The following CPNE5 variants were observed in gnomAD, a reference collection of about 807,000 sequenced individuals.
CPNE5 encodes the protein copine 5, also known as copine-5.
In CPNE5, 42 loss-of-function variants were observed where a neutral mutation model predicts 81.1. The observed-to-expected ratio is 0.52, with a 90% CI of 0.40 to 0.67. The LOEUF is 0.67. Among genes scored for constraint, CPNE5 ranks in the 30% least tolerant of loss-of-function variants. The pLI is 0.00. For missense variants in CPNE5, 612 were observed against 815.5 expected, an observed-to-expected ratio of 0.75 and a Z score of 3.04; for synonymous variants, 313 against 321.5, an observed-to-expected ratio of 0.97 and a Z score of 0.28.
chr6:36,768,225 C>CTTTTTTTCTTTTTTTTTCTTTTTTTTTT (rs527797208), intron 10 of CPNE5, among the ~76,000 whole-genome samples: 1 of 60,496 alleles, frequency 1.7e-5, no homozygotes, highest in Admixed American at 2.3e-4. Context: ...ATTCACAGTT[C>CTTTTTTTCTTTTTTTTTCTTTTTTTTTT]TTTTTTTTTT....
intron 10 of CPNE5, among the ~76,000 whole-genome samples, chr6:36,770,615 C>G (rs1766962188): frequency 6.6e-6 from 1 of 152,092 alleles, no homozygotes; most frequent in Admixed American, 6.6e-5. Context: ...CTCTGACCAT[C>G]TCCTCTTCTT....
chr6:36,770,722 T>C (rs1338905488), intron 10 of CPNE5, among the ~76,000 whole-genome samples: 1 of 152,174 alleles, frequency 6.6e-6, no homozygotes, highest in Non-Finnish European at 1.5e-5. Context: ...TGTCCCCTCC[T>C]GCTTTAGCGG....
At chr6:36,759,342 G>T (rs978574895) in intron 12 of CPNE5, among the ~76,000 whole-genome samples, 1 of 151,652 alleles carries the variant, frequency 6.6e-6, no homozygotes, top group African/African-American at 2.4e-5. Flanking sequence ...CAGGGGGCCA[G>T]CGCCACCTAG....
At chr6:36,812,174 C>T (rs539486382) in intron 3 of CPNE5, among the ~76,000 whole-genome samples, 4 of 152,258 alleles carry the variant, frequency 2.6e-5, no homozygotes, top group Admixed American at 1.3e-4. Context: ...CCAGGGACTC[C>T]GACTCGGAAA....
chr6:36,744,933 A>T (rs1296070247), intron 18 of CPNE5, 115 bp downstream of exon 18: 2 of 727,754 alleles, frequency 2.7e-6, no homozygotes, highest in Non-Finnish European at 4.8e-6. Context: ...GCCACGCCCA[A>T]GTCATCTCCA....
In CPNE5 at chr6:36,839,192, G is replaced by T; in HGVS notation, c.95+91C>A. 3.3e-6 allele frequency: 3 copies of T among 917,066 alleles called. No homozygotes were observed. The highest frequency in any genetic ancestry group is 4.8e-6 in the Non-Finnish European group (3 of 620,430). The allele number at this position is 917,066 out of a possible 1,614,324, so 56.8% of individuals were successfully genotyped here. On this transcript the variant is annotated intron_variant, in intron 1 of 20. Coordinates refer to ENST00000244751, the MANE Select transcript of CPNE5 (RefSeq NM_020939.2). This position sits in a 1 kb window ranked among gnomAD's most constrained non-coding sequence, Gnocchi z 7.3. Reference sequence around the variant, plus strand: ...GGAGACCAGGACACTCTGGGAAGGGGGCGCGCGGAGGTTTAGGATCGAAGC... The same window carrying T: ...GGAGACCAGGACACTCTGGGAAGGGTGCGCGCGGAGGTTTAGGATCGAAGC...
At chr6:36,756,695 C>T (rs1391823426) in intron 12 of CPNE5, among the ~76,000 whole-genome samples, 2 of 152,202 alleles carry the variant, frequency 1.3e-5, no homozygotes, top group African/African-American at 2.4e-5. Flanking sequence ...CTTCCTCTCT[C>T]AGCCAATTCC....
chr6:36,779,356 G>C (rs149747689), intron 8 of CPNE5, among the ~76,000 whole-genome samples: 2 of 152,316 alleles, frequency 1.3e-5, no homozygotes, highest in East Asian at 3.9e-4. Flanking sequence ...CCCCTTGATG[G>C]ATGTGAACAC....
rs111847626 is a variant in CPNE5, at chr6:36,743,566, T to C, written c.1563+123A>G. ...TCCCTTCGGTGGTGGCTGGGCCACT[T>C]TGGGGCTCCCAGTGCCTCCCTTCTG... On this transcript the variant is annotated intron_variant, in intron 20 of 20. Transcript: ENST00000244751. The C allele has an allele frequency of 0.012, 11,794 of 949,734 alleles. 849 individuals are homozygous for C. The African/African-American group carries it at 0.16, about 13-fold the overall frequency. 58.8% of individuals were successfully genotyped at this position (949,734 alleles called of 1,614,324 possible). A position where few individuals can be genotyped will look rare whatever the true frequency, so the allele number is the denominator to read the frequency against.
In CPNE5 at chr6:36,810,478, C is replaced by G. The variant is rs574139770; in HGVS notation, c.184-10408G>C. ...TTAGAGGCCAGAAAGCTACCTGACTCAAATAGAAACGGAAAAAGGGAATGT... is the reference window on the plus strand; with the variant it reads ...TTAGAGGCCAGAAAGCTACCTGACTGAAATAGAAACGGAAAAAGGGAATGT... On this transcript the variant is annotated intron_variant, in intron 3 of 20. Transcript: ENST00000244751. 6.6e-5 allele frequency among the ~76,000 whole-genome samples: 10 copies of G among 152,342 alleles called. No homozygotes were observed. In the East Asian group the frequency reaches 1.5e-3, roughly 24 times the overall value.
chr6:36,806,160 G>A (rs1770573650), intron 3 of CPNE5, among the ~76,000 whole-genome samples: 1 of 152,186 alleles, frequency 6.6e-6, no homozygotes, highest in Admixed American at 6.5e-5. Context: ...GGGGCTGGCG[G>A]TTGGGCCTGG....
intron 1 of CPNE5, chr6:36,827,390 C>T: frequency 1.0e-6 from 1 of 985,412 alleles, no homozygotes; most frequent in South Asian, 4.7e-5. Context: ...GGGGCTCACC[C>T]CTGCCCCGGG....
chr6:36,783,574 G>A (rs557461251), intron 8 of CPNE5, among the ~76,000 whole-genome samples: 28 of 152,114 alleles, frequency 1.8e-4, no homozygotes, highest in African/African-American at 6.5e-4. Context: ...TGCGATCTCC[G>A]CTCACTACAG....
intron 3 of CPNE5, 147 bp from the exon 4 acceptor site, chr6:36,800,217 C>G: frequency 1.7e-6 from 1 of 604,338 alleles, no homozygotes; most frequent in South Asian, 2.0e-5. Flanking sequence ...ACATCCATCC[C>G]CTCCCAATCA....
intron 14 of CPNE5, among the ~76,000 whole-genome samples, chr6:36,750,494 C>T (rs141847094): frequency 1.3e-5 from 2 of 152,284 alleles, no homozygotes; most frequent in South Asian, 2.1e-4. Context: ...TAGAAGGAGC[C>T]GCAAAGCTAG....
intron 1 of CPNE5, chr6:36,827,381 G>A (rs1279057727): frequency 1.0e-6 from 1 of 985,224 alleles, no homozygotes; most frequent in East Asian, 1.1e-4. Context: ...CGCACTTCTG[G>A]GGCTCACCCC....
At chr6:36,833,435 C>T (rs532160466) in intron 1 of CPNE5, among the ~76,000 whole-genome samples, 47 of 152,218 alleles carry the variant, frequency 3.1e-4, no homozygotes, top group Non-Finnish European at 4.1e-4. Flanking sequence ...GTCACTCATG[C>T]GATTGGGTTA....
intron 1 of CPNE5, among the ~76,000 whole-genome samples, chr6:36,829,398 G>A (rs1199360486): frequency 6.6e-6 from 1 of 152,186 alleles, no homozygotes; most frequent in Non-Finnish European, 1.5e-5. Flanking sequence ...TCAAGAGGCT[G>A]GGGTGGGAGG....
At chr6:36,763,320 T>C (rs1337721485) in intron 11 of CPNE5, among the ~76,000 whole-genome samples, 1 of 152,160 alleles carries the variant, frequency 6.6e-6, no homozygotes, top group Non-Finnish European at 1.5e-5. Flanking sequence ...AAAAATATTG[T>C]GGCCGGGCGC....
Sources: gnomAD v4.1 joint callset for allele counts (sites outside exome capture counted in the v4.1 genomes callset) on GRCh38, gnomAD v4.1.1 for gene constraint, Gnocchi (gnomAD v3.1) non-coding constraint, MANE v1.5 for transcripts, NCBI Gene and HGNC (gene_info 2026-07-23, HGNC 2026-07-21) for gene names.